UTRN: variants seen among roughly 807,000 people sequenced by gnomAD.
UTRN encodes utrophin, also known as dystrophin-related protein 1.
A neutral mutation model predicts 463.9 loss-of-function variants in UTRN; 283 were observed. The observed-to-expected ratio is 0.61, with a 90% CI of 0.55 to 0.67. The LOEUF (loss-of-function observed/expected upper bound fraction) is 0.67, where lower values mean the gene tolerates loss of function less well. UTRN is among the 30% of genes least tolerant of loss of function. UTRN has a pLI of 0.00. For missense variants in UTRN, 3,922 were observed against 4,084.3 expected, an observed-to-expected ratio of 0.96 and a Z score of 1.08; for synonymous variants, 1,442 against 1,431.5, an observed-to-expected ratio of 1.01 and a Z score of -0.17.
At chr6:144,826,161 A>AAAATAAAT (rs372490067) in intron 66 of UTRN, among the ~76,000 whole-genome samples, 1,732 of 148,668 alleles carry the variant, frequency 0.012, 13 homozygotes, top group Non-Finnish European at 0.014. Context: ...AATAAAAGAA[A>AAAATAAAT]AAATAAATAA....
chr6:144,437,471 C>T (rs969460305), intron 10 of UTRN, 94 bp from the exon 11 acceptor site: 2 of 1,271,248 alleles, frequency 1.6e-6, no homozygotes, highest in African/African-American at 3.1e-5. Context: ...TTCTGCATCA[C>T]TGACATTTAG....
At chr6:144,763,186 A>G (rs114989110) in intron 58 of UTRN, among the ~76,000 whole-genome samples, 275 of 152,330 alleles carry the variant, frequency 1.8e-3, no homozygotes, top group African/African-American at 6.4e-3. Context: ...TAAAACTGAC[A>G]TTCCTCAATA....
intron 54 of UTRN, among the ~76,000 whole-genome samples, chr6:144,743,559 C>T (rs1790342877): frequency 6.6e-6 from 1 of 152,112 alleles, no homozygotes; most frequent in Non-Finnish European, 1.5e-5. Context: ...AGGGTTTGCA[C>T]TTGATAAAAT....
intron 12 of UTRN, 145 bp downstream of exon 12, chr6:144,439,040 A>G (rs944163055): frequency 2.3e-6 from 2 of 856,298 alleles, no homozygotes; most frequent in African/African-American, 1.7e-5. Flanking sequence ...ACAGGGTGGA[A>G]TTGATAGAGA....
chr6:144,621,644 T>C (rs924177581), intron 51 of UTRN, among the ~76,000 whole-genome samples: 1 of 152,166 alleles, frequency 6.6e-6, no homozygotes, highest in Non-Finnish European at 1.5e-5. Context: ...CAGGTGGATG[T>C]TGCTGATACT....
At chr6:144,455,195 T>A (rs1788698350) in intron 19 of UTRN, among the ~76,000 whole-genome samples, 1 of 152,274 alleles carries the variant, frequency 6.6e-6, no homozygotes, top group East Asian at 1.9e-4. Flanking sequence ...ATTATGCAAA[T>A]GTATTATCAA....
chr6:144,319,426 A>G (rs898639324), intron 2 of UTRN, among the ~76,000 whole-genome samples: 3 of 152,184 alleles, frequency 2.0e-5, no homozygotes, highest in African/African-American at 7.2e-5. Context: ...TGTTTCTCGG[A>G]ATAACTTGGT....
chr6:144,332,087 C>T (rs1354354524), intron 2 of UTRN, among the ~76,000 whole-genome samples: 4 of 152,224 alleles, frequency 2.6e-5, no homozygotes, highest in Non-Finnish European at 5.9e-5. Flanking sequence ...CCTTCTCCTC[C>T]TTCTGGGATT....
intron 2 of UTRN, among the ~76,000 whole-genome samples, chr6:144,313,403 A>C (rs957307156): frequency 6.6e-6 from 1 of 152,162 alleles, no homozygotes; most frequent in Non-Finnish European, 1.5e-5. Context: ...GATAATAATA[A>C]ATATACATAT....
At chr6:144,663,513 TTTTG>T (rs1274913788) in intron 51 of UTRN, among the ~76,000 whole-genome samples, 1 of 152,232 alleles carries the variant, frequency 6.6e-6, no homozygotes, top group Non-Finnish European at 1.5e-5. Flanking sequence ...ACTGTATTTC[TTTTG>T]TTTAATAGTC....
At chr6:144,365,028 A>G (rs899968341) in intron 2 of UTRN, among the ~76,000 whole-genome samples, 1 of 152,142 alleles carries the variant, frequency 6.6e-6, no homozygotes, top group Non-Finnish European at 1.5e-5. Context: ...TGCAACCTCA[A>G]TTTACCCCTT....
chr6:144,364,879 T>C (rs1216998101), intron 2 of UTRN, among the ~76,000 whole-genome samples: 1 of 152,354 alleles, frequency 6.6e-6, no homozygotes. Flanking sequence ...CCTTCTCATG[T>C]GGCTCGTTGC....
chr6:144,690,641 C>G (rs565579642), intron 52 of UTRN, among the ~76,000 whole-genome samples: 24 of 152,296 alleles, frequency 1.6e-4, no homozygotes, highest in Non-Finnish European at 2.9e-4. Flanking sequence ...TCCACAAGGT[C>G]TCCTGTGAGA....
intron 2 of UTRN, among the ~76,000 whole-genome samples, chr6:144,345,842 A>C (rs998976460): frequency 3.3e-5 from 5 of 152,222 alleles, no homozygotes; most frequent in African/African-American, 1.2e-4. Flanking sequence ...GATTGAAATC[A>C]GAAGACAGCT....
Position 144,522,138 on chromosome 6 carries a change from C to A in UTRN, c.5700C>A (p.Tyr1900Ter). The change falls in exon 40 of 75, where the codon TAC becomes TAA. Residue 1900 changes from tyrosine to a stop codon, truncating the protein, a stop_gained. Transcript: ENST00000367545. LOFTEE classifies it high-confidence loss of function. ...LNVPELNTAI[Y>*]EDFSFQEDSL... ...TTCCAGAGCTCAACACTGCTATTTA[C>A]GAAGACTTCTCTTTTCAGGAAGACT... The A allele has an allele frequency of 6.5e-7, 1 of 1,548,622 alleles. No individual in the cohort carries two copies. The highest frequency in any genetic ancestry group is 8.7e-7 in the Non-Finnish European group (1 of 1,148,672).
At chr6:144,462,441 T>C (rs2128561905) in intron 22 of UTRN, among the ~76,000 whole-genome samples, 1 of 152,310 alleles carries the variant, frequency 6.6e-6, no homozygotes, top group Non-Finnish European at 1.5e-5. Flanking sequence ...GATTGCTGGG[T>C]CAAATGGCAT....
intron 33 of UTRN, 37 bp downstream of exon 33, chr6:144,493,493 C>A: frequency 6.7e-7 from 1 of 1,501,680 alleles, no homozygotes; most frequent in South Asian, 1.2e-5. Context: ...CTCTCTGTCT[C>A]TCTCTCTCTC....
intron 51 of UTRN, among the ~76,000 whole-genome samples, chr6:144,636,505 G>T (rs1777193626): frequency 6.6e-6 from 1 of 152,014 alleles, no homozygotes; most frequent in African/African-American, 2.4e-5. Flanking sequence ...TAACAATCCT[G>T]CACGTTCTGC....
At chr6:144,830,280 A>G (rs1780553132) in intron 69 of UTRN, among the ~76,000 whole-genome samples, 1 of 152,184 alleles carries the variant, frequency 6.6e-6, no homozygotes, top group Non-Finnish European at 1.5e-5. Context: ...CAGAAGATTA[A>G]CAGTCAGATA....
Sources: allele counts gnomAD v4.1 joint callset (sites outside exome capture counted in the v4.1 genomes callset), GRCh38; gene constraint gnomAD v4.1.1; transcripts MANE v1.5; gene names NCBI Gene and HGNC (gene_info 2026-07-23, HGNC 2026-07-21).